Variants in PBX3 observed in about 807,000 individuals in gnomAD.
PBX3 encodes PBX homeobox 3, also known as pre-B-cell leukemia transcription factor 3.
Under a neutral mutation model 48.5 loss-of-function variants are expected in PBX3, and 14 were observed. The ratio of observed to expected loss-of-function variants is 0.29; its 90% CI spans 0.19 to 0.45. The LOEUF is 0.45. Among genes scored for constraint, PBX3 ranks in the 20% least tolerant of loss-of-function variants. The pLI is 1.00. For missense variants in PBX3, 386 were observed against 546.7 expected (o/e 0.71, Z 2.93); for synonymous variants, 210 against 200.3 (o/e 1.05, Z -0.41).
intron 2 of PBX3, among the ~76,000 whole-genome samples, chr9:125,842,116 CGAT>C (rs1364881794): frequency 6.6e-6 from 1 of 152,028 alleles, no homozygotes; most frequent in Non-Finnish European, 1.5e-5. Flanking sequence ...TTCTGCCTTC[CGAT>C]GATGAAGTAA....
At position 125,860,884 on chromosome 9, in the gene PBX3, C is replaced by CA. The variant is rs58796485; in HGVS notation, c.275-54781dup. 6.0e-3 allele frequency among the ~76,000 whole-genome samples: 591 copies of CA among 99,062 alleles called. 3 individuals carry two copies. The highest frequency in any genetic ancestry group is 0.015 in the African/African-American group (373 of 25,524). The allele number at this position is 99,062 out of a possible 152,430, so 65.0% of individuals were successfully genotyped here. A position where few individuals can be genotyped will look rare whatever the true frequency, so the allele number is the denominator to read the frequency against. On this transcript the variant is annotated intron_variant, in intron 2 of 8. Transcript: ENST00000373489. The stretch of plus-strand genomic sequence containing the variant: ...CCTGGGTGACAGAATAAGACTCTGT[C>CA]AAAAAAAAAAAAAAAAAAAAAGATA...
chr9:125,825,109 C>A (rs1838770018), intron 2 of PBX3, among the ~76,000 whole-genome samples: 1 of 152,126 alleles, frequency 6.6e-6, no homozygotes. Context: ...CATGGCGAAA[C>A]CTTATCTCTA....
At chr9:125,939,807 C>T (rs553751982) in intron 5 of PBX3, among the ~76,000 whole-genome samples, 11 of 152,180 alleles carry the variant, frequency 7.2e-5, no homozygotes, top group South Asian at 2.1e-4. Context: ...GGAGAATACA[C>T]GTAACATAAC....
In PBX3 at chr9:125,792,617, G is replaced by A. The variant is rs962865533; in HGVS notation, c.274+43994G>A. ...GTGGTTTCCCATTGAGAATTTCAGG[G>A]CATTGTTTTAGTTTTTCATAAACAA... is the stretch of plus-strand genomic sequence containing the variant. On this transcript the variant is annotated intron_variant, in intron 2 of 8. Coordinates refer to ENST00000373489, the MANE Select transcript of PBX3 (RefSeq NM_006195.6). Among the ~76,000 whole-genome samples, 7 of 152,046 alleles carry A rather than the reference G, an allele frequency of 4.6e-5. No individual in the cohort carries two copies. In the South Asian group the frequency reaches 1.2e-3, roughly 27 times the overall value.
intron 5 of PBX3, among the ~76,000 whole-genome samples, chr9:125,945,064 A>G (rs1842037627): frequency 6.6e-6 from 1 of 152,074 alleles, no homozygotes; most frequent in African/African-American, 2.4e-5. Flanking sequence ...CTCTACTAAA[A>G]ATACAAAAAA....
At chr9:125,944,561 T>C (rs1024000289) in intron 5 of PBX3, among the ~76,000 whole-genome samples, 4 of 152,146 alleles carry the variant, frequency 2.6e-5, no homozygotes, top group Admixed American at 1.3e-4. Flanking sequence ...ATGGATGCCA[T>C]GTGTGGAATA....
At chr9:125,811,907 G>A (rs4838295) in intron 2 of PBX3, among the ~76,000 whole-genome samples, 147,008 of 152,288 alleles carry the variant, frequency 0.97, 71,003 homozygotes, top group East Asian at 1. Context: ...TTGAAACCTC[G>A]TCACCATTGT....
At chr9:125,964,166 G>A (rs1392641745) in intron 8 of PBX3, among the ~76,000 whole-genome samples, 1 of 152,130 alleles carries the variant, frequency 6.6e-6, no homozygotes, top group Non-Finnish European at 1.5e-5. Flanking sequence ...AGGCGCTGTT[G>A]TATAATACAG....
At chr9:125,802,023 A>C (rs1284839523) in intron 2 of PBX3, among the ~76,000 whole-genome samples, 6 of 152,324 alleles carry the variant, frequency 3.9e-5, no homozygotes, top group Middle Eastern at 3.4e-3. Flanking sequence ...TGATTGTGCC[A>C]CTGCACCCAG....
At chr9:125,922,328 T>C (rs916687189) in intron 3 of PBX3, among the ~76,000 whole-genome samples, 5 of 152,208 alleles carry the variant, frequency 3.3e-5, no homozygotes, top group African/African-American at 1.2e-4. Flanking sequence ...CCATGCCTTA[T>C]GTTAACTGTT....
chr9:125,748,677 G>A, intron 2 of PBX3, 54 bp downstream of exon 2: 1 of 1,400,750 alleles, frequency 7.1e-7, no homozygotes, highest in Non-Finnish European at 1.0e-6. Flanking sequence ...GGGGGTCGGA[G>A]CTACTCCTTC....
At chr9:125,844,844 T>TCGGC (rs1367432533) in intron 2 of PBX3, 1 of 152,066 alleles carries the variant, frequency 6.6e-6, no homozygotes, top group East Asian at 1.9e-4. Context: ...TTTCTTAAGG[T>TCGGC]CGGCCATGTG....
At chr9:125,922,592 A>G (rs762658405) in intron 3 of PBX3, among the ~76,000 whole-genome samples, 30 of 152,224 alleles carry the variant, frequency 2.0e-4, no homozygotes, top group Non-Finnish European at 7.4e-5. Context: ...CTATTTTAAT[A>G]TATCTTATAG....
chr9:125,849,507 G>A (rs997491907), intron 2 of PBX3, among the ~76,000 whole-genome samples: 1 of 151,900 alleles, frequency 6.6e-6, no homozygotes, highest in Non-Finnish European at 1.5e-5. Flanking sequence ...TGAACCAAGA[G>A]TAGATGTTAT....
At chr9:125,874,230 A>T (rs549212986) in intron 2 of PBX3, among the ~76,000 whole-genome samples, 1 of 152,296 alleles carries the variant, frequency 6.6e-6, no homozygotes, top group Admixed American at 6.5e-5. Context: ...GAACATCAGG[A>T]CCAGAGGATT....
At chr9:125,935,173 A>C (rs556130522) in intron 4 of PBX3, among the ~76,000 whole-genome samples, 1 of 152,084 alleles carries the variant, frequency 6.6e-6, no homozygotes. Flanking sequence ...TCTCTGATAG[A>C]CCTTGTTTGT....
intron 2 of PBX3, among the ~76,000 whole-genome samples, chr9:125,825,926 G>T (rs4287036): frequency 0.7 from 107,101 of 152,066 alleles, 38,210 homozygotes; most frequent in African/African-American, 0.79. Context: ...TTGGGAACTT[G>T]CCTAGAATGT....
chr9:125,894,833 C>T lies in PBX3; in HGVS notation c.275-20853C>T, dbSNP rs186208380. On this transcript the variant is annotated intron_variant, in intron 2 of 8. Transcript: ENST00000373489. ...AAAGGATATGAGACAGCTATAGCTT[C>T]GTGAGGCTATTTATTGAGTTGTTTT... is the stretch of plus-strand genomic sequence containing the variant. Among the ~76,000 whole-genome samples the T allele has an allele frequency of 3.7e-4, 56 of 152,094 alleles. 1 individual carries two copies. The East Asian group carries it at 7.5e-3, about 20-fold the overall frequency.
chr9:125,796,468 T>C (rs1837782208), intron 2 of PBX3, among the ~76,000 whole-genome samples: 1 of 152,156 alleles, frequency 6.6e-6, no homozygotes, highest in African/African-American at 2.4e-5. Context: ...AGTGGAAATT[T>C]TCTGTGGGGC....
Sources: allele counts gnomAD v4.1 joint callset (sites outside exome capture counted in the v4.1 genomes callset), GRCh38; gene constraint gnomAD v4.1.1; transcripts MANE v1.5; gene names NCBI Gene and HGNC (gene_info 2026-07-23, HGNC 2026-07-21).